Variants in NTRK1 observed in about 807,000 individuals in gnomAD.
NTRK1 encodes high affinity nerve growth factor receptor.
NTRK1 carries 62 observed loss-of-function variants against 86.8 expected under a neutral mutation model. The observed-to-expected ratio is 0.71, with a 90% CI of 0.58 to 0.88. The LOEUF (loss-of-function observed/expected upper bound fraction) is 0.88, where lower values mean the gene tolerates loss of function less well. Ranked by LOEUF, NTRK1 falls within the 40% of genes least tolerant of loss-of-function variation. NTRK1 has a pLI of 0.00. For synonymous variants in NTRK1, 469 were observed against 456.6 expected (o/e 1.03, Z -0.35); for missense variants, 967 against 1,078.4 (o/e 0.90, Z 1.45).
chr1:156,826,961 A>T (rs879862807), intron 1 of NTRK1, among the ~76,000 whole-genome samples: 2 of 152,282 alleles, frequency 1.3e-5, no homozygotes, highest in Non-Finnish European at 2.9e-5. Context: ...GTATCTATTT[A>T]GTAAACACGG....
intron 1 of NTRK1, among the ~76,000 whole-genome samples, chr1:156,825,644 C>G (rs1280026968): frequency 6.6e-6 from 1 of 152,198 alleles, no homozygotes; most frequent in Non-Finnish European, 1.5e-5. Context: ...CAAGGCCTAG[C>G]CTTGCCTTAT....
intron 2 of NTRK1, chr1:156,845,717 G>A: frequency 3.7e-6 from 6 of 1,613,784 alleles, no homozygotes; most frequent in Non-Finnish European, 5.1e-6. Flanking sequence ...CAGGAGGTGG[G>A]TGCTGGCAAG....
chr1:156,817,642 C>CT (rs1317245406), intron 1 of NTRK1, among the ~76,000 whole-genome samples: 4,367 of 131,252 alleles, frequency 0.033, 313 homozygotes, highest in African/African-American at 0.11. Flanking sequence ...GTGTTGACAT[C>CT]TTTTTTTTTT....
At chr1:156,861,186 C>T (rs1390534481) in intron 1 of NTRK1, 40 bp downstream of exon 1, 3 of 1,530,738 alleles carry the variant, frequency 2.0e-6, no homozygotes, top group Middle Eastern at 4.2e-4. Flanking sequence ...CGGGGACAGG[C>T]AGGCATTGCA....
chr1:156,831,984 A>T (rs1221387270), intron 1 of NTRK1, among the ~76,000 whole-genome samples: 1 of 152,136 alleles, frequency 6.6e-6, no homozygotes, highest in African/African-American at 2.4e-5. Context: ...ATCCCTGACC[A>T]CCTGAGGGAA....
At chr1:156,875,393 C>T (rs1020087139) in intron 11 of NTRK1, 127 bp from the exon 12 acceptor site, 6 of 1,293,162 alleles carry the variant, frequency 4.6e-6, no homozygotes, top group Admixed American at 1.7e-5. Flanking sequence ...CCTGCTGTCT[C>T]GCTCCCTAGC....
chr1:156,820,549 C>G (rs181836646), intron 1 of NTRK1, among the ~76,000 whole-genome samples: 2 of 152,196 alleles, frequency 1.3e-5, no homozygotes, highest in Non-Finnish European at 2.9e-5. Flanking sequence ...ATCCAGCCCC[C>G]CCAATGTATG....
chr1:156,859,652 T>A (rs987192791), upstream of NTRK1, among the ~76,000 whole-genome samples: 15 of 152,110 alleles, frequency 9.9e-5, no homozygotes, highest in Non-Finnish European at 1.6e-4. This position sits in a 1 kb window ranked among gnomAD's most constrained non-coding sequence, Gnocchi z 6.2. Flanking sequence ...GCGATCACTG[T>A]GTAGGGCTCT....
At chr1:156,858,411 G>T, upstream of NTRK1, 1 of 742,394 alleles carries the variant, frequency 1.3e-6, no homozygotes. Context: ...TCTCCTGAGC[G>T]CTAACCCCAA....
chr1:156,852,132 A>T, intron 2 of NTRK1: 1 of 1,613,210 alleles, frequency 6.2e-7, no homozygotes, highest in Non-Finnish European at 8.5e-7. Context: ...CCCCCCAGGC[A>T]TTCGGTGTGG....
In NTRK1 at chr1:156,838,375, C is replaced by CT. The variant is rs1160982080; in HGVS notation, c.-63-3694dup. ...CTGTCTTCTCCCAGCCAGCTACAGGCTTTTTTTTTTTTCTGGAGTTCTGTC... is the reference window on the plus strand; with the variant it reads ...CTGTCTTCTCCCAGCCAGCTACAGGCTTTTTTTTTTTTTCTGGAGTTCTGTC... On this transcript the variant is annotated intron_variant, in intron 1 of 16. Transcript: ENST00000392302. 4.1e-4 allele frequency among the ~76,000 whole-genome samples: 61 copies of CT among 149,788 alleles called. No individual in the cohort carries two copies. In the South Asian group the frequency reaches 0.013, roughly 31 times the overall value.
chr1:156,843,259 G>A (rs772824260), intron 2 of NTRK1: 2 of 1,606,678 alleles, frequency 1.2e-6, no homozygotes, highest in Admixed American at 1.7e-5. Context: ...GGGTCACAAA[G>A]CGAGGATGCT....
At chr1:156,842,676 T>C (rs984008906) in intron 2 of NTRK1, among the ~76,000 whole-genome samples, 3 of 152,144 alleles carry the variant, frequency 2.0e-5, no homozygotes. Flanking sequence ...CCCTAACCCA[T>C]GACCTTCATC....
At chr1:156,821,713 A>G (rs1654196595) in intron 1 of NTRK1, among the ~76,000 whole-genome samples, 1 of 152,222 alleles carries the variant, frequency 6.6e-6, no homozygotes, top group African/African-American at 2.4e-5. Context: ...CTTGGTAAGC[A>G]TTTCACTTGG....
chr1:156,878,046 G>A (rs1648025197), intron 14 of NTRK1, among the ~76,000 whole-genome samples: 1 of 152,196 alleles, frequency 6.6e-6, no homozygotes, highest in Non-Finnish European at 1.5e-5. Context: ...AGCATCTGGG[G>A]CCCAGGCTGT....
intron 2 of NTRK1, chr1:156,849,577 A>G (rs957153941): frequency 2.8e-6 from 2 of 719,494 alleles, no homozygotes; most frequent in African/African-American, 3.5e-5. Context: ...AGGGGCACTC[A>G]GTGGCTGGCT....
chr1:156,844,996 G>C (rs762338844), intron 2 of NTRK1: 2 of 1,528,152 alleles, frequency 1.3e-6, no homozygotes, highest in Non-Finnish European at 8.9e-7. Context: ...TGGGGTTAGC[G>C]AGAAGTCAAA....
rs1274132710 is a variant in NTRK1, at chr1:156,853,674, C to T, written c.51-10680C>T. On this transcript the variant is annotated intron_variant, in intron 2 of 16. Transcript: ENST00000392302. ...AGTGGCAGCTGAAAGTACTGACCCA[C>T]ACCATCCTGTGGCCACCCAGCCCCA... 3.4e-5 allele frequency: 48 copies of T among 1,409,184 alleles called. No individual in the cohort carries two copies. The East Asian group carries it at 1.1e-3, about 31-fold the overall frequency. The allele number at this position is 1,409,184 out of a possible 1,614,324, so 87.3% of individuals were successfully genotyped here.
rs41267427 is a variant in NTRK1 at position 156,868,112 on chromosome 1, C to T, written c.437C>T (p.Ser146Leu). ...TCCCCCATGCCCCCCAGGGTCCTGT[C>T]GGGGAACCCTCTGCACTGTTCTTGT... The part of the protein sequence containing the change: ...QGLSLQELVL[S>L]GNPLHCSCAL... The change falls in exon 5 of 17, where the codon TCG becomes TTG. Residue 146 changes from serine (S) to leucine (L), a missense_variant. Physicochemically the swap from Ser to Leu is moderately radical, Grantham distance 145. Transcript: ENST00000524377. The T allele has an allele frequency of 1.1e-4, 183 of 1,613,934 alleles. No individual in the cohort carries two copies. The highest frequency in any genetic ancestry group is 1.3e-4 in the Non-Finnish European group (159 of 1,180,040).
Sources: allele counts gnomAD v4.1 joint callset (sites outside exome capture counted in the v4.1 genomes callset), GRCh38; gene constraint gnomAD v4.1.1; non-coding constraint Gnocchi (gnomAD v3.1); transcripts MANE v1.5; gene names NCBI Gene and HGNC (gene_info 2026-07-23, HGNC 2026-07-21).